SOCS6: variants seen among roughly 807,000 people sequenced by gnomAD.
SOCS6 encodes STAT induced STAT inhibitor-4.
In SOCS6, 5 loss-of-function variants were observed where a neutral mutation model predicts 27.7. The observed-to-expected ratio is 0.18, with a 90% CI of 0.09 to 0.38. SOCS6 has a LOEUF of 0.38. Among genes scored for constraint, SOCS6 ranks in the 10% least tolerant of loss-of-function variants. The pLI, the probability that SOCS6 is intolerant of heterozygous loss-of-function variation, is 1.00. For synonymous variants in SOCS6, 271 were observed against 260.0 expected (o/e 1.04, Z -0.41); for missense variants, 595 against 688.1 (o/e 0.86, Z 1.51).
chr18:70,329,269 T>C lies in SOCS6; in HGVS notation c.*2993T>C, dbSNP rs1911328871. The C allele has an allele frequency of 6.0e-6, 1 of 167,072 alleles. No individual in the cohort carries two copies. Among genetic ancestry groups the C allele is most frequent in the Non-Finnish European group, 1.5e-5 (1 of 68,110 alleles). 10.3% of individuals were successfully genotyped at this position (167,072 alleles called of 1,614,324 possible). A position where few individuals can be genotyped will look rare whatever the true frequency, so the allele number is the denominator to read the frequency against. On this transcript the variant is annotated 3_prime_UTR_variant, in exon 2 of 2. Coordinates refer to ENST00000397942, the MANE Select transcript of SOCS6 (RefSeq NM_004232.4). ...CAGGAAATGATCATAGACCTAAAAA[T>C]AGTTTTTAAGGAAACCAGCTACACG...
intron 1 of SOCS6, among the ~76,000 whole-genome samples, chr18:70,302,076 C>T (rs11665229): frequency 0.28 from 42,289 of 151,888 alleles, 7,158 homozygotes; most frequent in East Asian, 0.73. Flanking sequence ...AGGTGGGGTC[C>T]CCACAAGTTT....
Position 70,324,592 on chromosome 18 carries a change from C to G in SOCS6, c.-77C>G, listed in dbSNP as rs1600169656. On this transcript the variant is annotated 5_prime_UTR_variant, in exon 2 of 2. Coordinates refer to ENST00000397942, the MANE Select transcript of SOCS6 (RefSeq NM_004232.4). ...AGCAGGAAAAATACATAGATGCAGC[C>G]TTGCAGCCTCTCCAGATGTTTGGGG... 1.0e-6 allele frequency: 1 copy of G among 989,890 alleles called. No individual in the cohort carries two copies. Among genetic ancestry groups the G allele is most frequent in the East Asian group, 2.4e-5 (1 of 41,646 alleles). 61.3% of individuals were successfully genotyped at this position (989,890 alleles called of 1,614,324 possible). A position where few individuals can be genotyped will look rare whatever the true frequency, so the allele number is the denominator to read the frequency against.
chr18:70,302,919 T>G (rs1202204473), intron 1 of SOCS6, among the ~76,000 whole-genome samples: 2 of 152,208 alleles, frequency 1.3e-5, no homozygotes, highest in Non-Finnish European at 2.9e-5. Flanking sequence ...GATTTATTTT[T>G]TGTTTGGCAG....
At position 70,325,073 on chromosome 18, in the gene SOCS6, G is replaced by A. The variant is rs754020528; in HGVS notation, c.405G>A (p.Ala135=). Residue 135 remains alanine, a synonymous_variant, in exon 2 of 2, where the codon GCG becomes GCA. Transcript: ENST00000397942. The surrounding 1 kb of genome is among the most constrained non-coding windows in gnomAD (Gnocchi z 6.3). ...TCCGCAGCCATCACTACAGTCCCGC[G>A]CCGTGGCCTCTGCGGCCCACAAACT... ...TSLRSHHYSP[A]PWPLRPTNSE... is the part of the protein sequence containing the mutation. 16 of 1,613,956 alleles carry A rather than the reference G, an allele frequency of 9.9e-6. No individual in the cohort carries two copies. The highest frequency in any genetic ancestry group is 1.4e-5 in the Non-Finnish European group (16 of 1,180,036).
At position 70,294,374 on chromosome 18, in the gene SOCS6, A is replaced by C. The variant is rs1399105456; in HGVS notation, c.-127+5284A>C. Reference sequence around the variant, plus strand: ...TTTTTGTTGTTGTTCTTTGGAGGGGAGTTCCCTCAATTTTTCTTTTATTGG... The same window carrying C: ...TTTTTGTTGTTGTTCTTTGGAGGGGCGTTCCCTCAATTTTTCTTTTATTGG... On this transcript the variant is annotated intron_variant, in intron 1 of 1. Coordinates refer to ENST00000397942, the MANE Select transcript of SOCS6 (RefSeq NM_004232.4). 9.9e-5 allele frequency among the ~76,000 whole-genome samples: 15 copies of C among 151,268 alleles called. No homozygotes were observed. The East Asian group carries it at 2.9e-3, about 29-fold the overall frequency.
intron 1 of SOCS6, among the ~76,000 whole-genome samples, chr18:70,321,940 A>G (rs1232937474): frequency 6.6e-6 from 1 of 152,164 alleles, no homozygotes; most frequent in African/African-American, 2.4e-5. Context: ...TGGGGATAAT[A>G]AAGCTGTTTT....
rs1442758536 is a variant in SOCS6, at chr18:70,328,101, G to A, written c.*1825G>A. The A allele has an allele frequency of 6.0e-6, 1 of 166,742 alleles. No individual in the cohort carries two copies. The highest frequency in any genetic ancestry group is 1.5e-5 in the Non-Finnish European group (1 of 68,108). 10.3% of individuals were successfully genotyped at this position (166,742 alleles called of 1,614,324 possible). ...AATAAGATGGAATATGGAGTATACT[G>A]TAATAATATAAGTGTTCATTATAAG... On this transcript the variant is annotated 3_prime_UTR_variant, in exon 2 of 2. Transcript: ENST00000397942.
At chr18:70,314,105 A>G (rs1300093176) in intron 1 of SOCS6, 1 of 152,054 alleles carries the variant, frequency 6.6e-6, no homozygotes, top group African/African-American at 2.4e-5. Context: ...AATCCACAAA[A>G]ATTAGCCGGG....
At chr18:70,307,353 T>C (rs2062373750) in intron 1 of SOCS6, among the ~76,000 whole-genome samples, 1 of 152,258 alleles carries the variant, frequency 6.6e-6, no homozygotes, top group Non-Finnish European at 1.5e-5. Context: ...ATCAGGGTAA[T>C]ACTGGCCTCA....
intron 1 of SOCS6, among the ~76,000 whole-genome samples, chr18:70,303,491 A>G (rs1375208477): frequency 1.3e-5 from 2 of 152,182 alleles, no homozygotes; most frequent in East Asian, 1.9e-4. Flanking sequence ...ATTAATTTTT[A>G]TGGCTGTATT....
intron 1 of SOCS6, among the ~76,000 whole-genome samples, chr18:70,303,639 A>C (rs1482541501): frequency 1.3e-5 from 2 of 152,152 alleles, no homozygotes; most frequent in Non-Finnish European, 2.9e-5. Context: ...TTAAAAATAC[A>C]AAAATTAGCT....
intron 1 of SOCS6, among the ~76,000 whole-genome samples, chr18:70,303,576 C>T (rs2062357258): frequency 6.6e-6 from 1 of 152,116 alleles, no homozygotes; most frequent in Non-Finnish European, 1.5e-5. Flanking sequence ...GGTGGATCAT[C>T]TGAGGTCAGG....
chr18:70,293,466 A>G lies in SOCS6; in HGVS notation c.-127+4376A>G, dbSNP rs935666783. ...TTCACTTCTGGAAGTATAGTCATGT[A>G]TAGTGTATAGAAAGTCACCATCCCA... On this transcript the variant is annotated intron_variant, in intron 1 of 1. Transcript: ENST00000397942. Among the ~76,000 whole-genome samples the G allele has an allele frequency of 5.3e-5, 8 of 152,278 alleles. No homozygotes were observed. In the East Asian group the frequency reaches 5.8e-4, roughly 11 times the overall value.
chr18:70,301,522 TGGGGTG>T (rs2062348107), intron 1 of SOCS6, among the ~76,000 whole-genome samples: 1 of 55,732 alleles, frequency 1.8e-5, no homozygotes, highest in Non-Finnish European at 4.4e-5. Context: ...CAAGTGGGGC[TGGGGTG>T]GGGGTGGGGT....
At position 70,328,380 on chromosome 18, in the gene SOCS6, G is replaced by A. The variant is rs1185273763; in HGVS notation, c.*2104G>A. On this transcript the variant is annotated 3_prime_UTR_variant, in exon 2 of 2. Coordinates refer to ENST00000397942, the MANE Select transcript of SOCS6 (RefSeq NM_004232.4). ...CATGTCCTCCTTGTGAGATCATGGTGCACAGAGGTCTTTGGACTGCCCTGA... is the reference window on the plus strand; with the variant it reads ...CATGTCCTCCTTGTGAGATCATGGTACACAGAGGTCTTTGGACTGCCCTGA... The A allele has an allele frequency of 6.0e-6, 1 of 166,508 alleles. No homozygotes were observed. The highest frequency in any genetic ancestry group is 1.5e-5 in the Non-Finnish European group (1 of 68,104). 10.3% of individuals were successfully genotyped at this position (166,508 alleles called of 1,614,324 possible).
At chr18:70,315,484 T>C (rs1273464939) in intron 1 of SOCS6, among the ~76,000 whole-genome samples, 1 of 152,234 alleles carries the variant, frequency 6.6e-6, no homozygotes, top group Non-Finnish European at 1.5e-5. Flanking sequence ...CAAAGTAGTT[T>C]TACACATTTT....
intron 1 of SOCS6, among the ~76,000 whole-genome samples, chr18:70,317,554 TACACACAC>T (rs369682234): frequency 0.029 from 4,027 of 139,120 alleles, 254 homozygotes; most frequent in African/African-American, 0.11. Context: ...CATATATACA[TACACACAC>T]ACACACACAC....
At chr18:70,300,830 T>A (rs2062345217) in intron 1 of SOCS6, among the ~76,000 whole-genome samples, 1 of 152,188 alleles carries the variant, frequency 6.6e-6, no homozygotes, top group Non-Finnish European at 1.5e-5. Context: ...TAAGTTAAAA[T>A]TATTTGTCAA....
chr18:70,300,465 T>C (rs1432597097), intron 1 of SOCS6, among the ~76,000 whole-genome samples: 1 of 152,178 alleles, frequency 6.6e-6, no homozygotes, highest in African/African-American at 2.4e-5. Flanking sequence ...ACAAAAAGCA[T>C]TTTTACATGA....
Sources: gnomAD v4.1 joint callset for allele counts (sites outside exome capture counted in the v4.1 genomes callset) on GRCh38, gnomAD v4.1.1 for gene constraint, Gnocchi (gnomAD v3.1) non-coding constraint, MANE v1.5 for transcripts, NCBI Gene and HGNC (gene_info 2026-07-23, HGNC 2026-07-21) for gene names.